FAF1: variants seen among roughly 807,000 people sequenced by gnomAD.
FAF1 encodes the protein FAS-associated factor 1.
Under a neutral mutation model 92.5 loss-of-function variants are expected in FAF1, and 25 were observed. The ratio of observed to expected loss-of-function variants is 0.27; its 90% CI spans 0.20 to 0.38. The LOEUF (loss-of-function observed/expected upper bound fraction) is 0.38, where lower values mean the gene tolerates loss of function less well. Ranked by LOEUF, FAF1 falls within the 10% of genes least tolerant of loss-of-function variation. The probability of loss-of-function intolerance (pLI) is 1.00; values close to 1 mark genes in which losing one functional copy is unlikely to be tolerated. For synonymous variants in FAF1, 234 were observed against 273.2 expected, an observed-to-expected ratio of 0.86 and a Z score of 1.42; for missense variants, 636 against 793.3, an observed-to-expected ratio of 0.80 and a Z score of 2.38.
intron 6 of FAF1, among the ~76,000 whole-genome samples, chr1:50,721,451 GAT>G (rs1415986876): frequency 1.3e-5 from 2 of 152,002 alleles, no homozygotes; most frequent in Non-Finnish European, 2.9e-5. Flanking sequence ...ACGACCTCAG[GAT>G]CCGCCTGCGT....
chr1:50,658,907 C>G (rs72900940), intron 7 of FAF1, among the ~76,000 whole-genome samples: 1 of 152,068 alleles, frequency 6.6e-6, no homozygotes, highest in South Asian at 2.1e-4. Context: ...TGTTACCATA[C>G]GTAGATGTTA....
intron 5 of FAF1, among the ~76,000 whole-genome samples, chr1:50,739,370 A>G (rs570373320): frequency 6.6e-6 from 1 of 151,360 alleles, no homozygotes; most frequent in East Asian, 1.9e-4. Flanking sequence ...GTGTACACGT[A>G]CATACATATA....
intron 4 of FAF1, among the ~76,000 whole-genome samples, chr1:50,775,018 T>G (rs910135226): frequency 6.6e-6 from 1 of 152,118 alleles, no homozygotes; most frequent in African/African-American, 2.4e-5. Flanking sequence ...CCTTGTTGCA[T>G]CTTCCTGGTA....
At chr1:50,478,267 G>A (rs765918656) in intron 17 of FAF1, among the ~76,000 whole-genome samples, 19 of 151,534 alleles carry the variant, frequency 1.3e-4, no homozygotes, top group Non-Finnish European at 2.2e-4. Flanking sequence ...AGGTTCAAGC[G>A]ATTCTCCCAC....
intron 4 of FAF1, among the ~76,000 whole-genome samples, chr1:50,766,147 C>T (rs1660563062): frequency 6.6e-6 from 1 of 151,908 alleles, no homozygotes; most frequent in African/African-American, 2.4e-5. Context: ...CAATAAAAAA[C>T]TCAGACCTGT....
At chr1:50,779,101 T>C (rs1055469420) in intron 4 of FAF1, among the ~76,000 whole-genome samples, 1 of 152,162 alleles carries the variant, frequency 6.6e-6, no homozygotes, top group Non-Finnish European at 1.5e-5. Flanking sequence ...CAAGAAACCA[T>C]TTTGTTTGCT....
intron 15 of FAF1, among the ~76,000 whole-genome samples, chr1:50,521,853 C>T (rs1024942896): frequency 1.3e-5 from 2 of 152,198 alleles, no homozygotes; most frequent in Admixed American, 1.3e-4. Context: ...AAGTCTTCAC[C>T]TCAGGCAAAA....
chr1:50,671,769 G>A (rs559014220), intron 7 of FAF1, among the ~76,000 whole-genome samples: 6 of 147,478 alleles, frequency 4.1e-5, no homozygotes, highest in Non-Finnish European at 6.0e-5. Flanking sequence ...TTACTCTGTC[G>A]CCCAGGCTGG....
rs1341216464 is a variant in FAF1 at position 50,885,324 on chromosome 1, A to ACT, written c.46-27329_46-27328dup. On this transcript the variant is annotated intron_variant, in intron 1 of 18. Coordinates refer to ENST00000396153, the MANE Select transcript of FAF1 (RefSeq NM_007051.3). Reference sequence around the variant, plus strand: ...CTCTCTCTCTCTCTCACACACACACACTCTCTCTCTCTCTCTCTCAATATT... The same window carrying ACT: ...CTCTCTCTCTCTCTCACACACACACACTCTCTCTCTCTCTCTCTCTCAATATT... 2.6e-3 allele frequency among the ~76,000 whole-genome samples: 266 copies of ACT among 102,096 alleles called. 3 individuals carry two copies. Among genetic ancestry groups the ACT allele is most frequent in the South Asian group, 0.013 (42 of 3,154 alleles). The allele number at this position is 102,096 out of a possible 152,430, so 67.0% of individuals were successfully genotyped here. A position where few individuals can be genotyped will look rare whatever the true frequency, so the allele number is the denominator to read the frequency against.
rs375674050 is a variant in FAF1 at position 50,520,721 on chromosome 1, G to A, written c.1494+14648C>T. Among the ~76,000 whole-genome samples the A allele has an allele frequency of 2.0e-4, 30 of 152,170 alleles. No homozygotes were observed. In the South Asian group the frequency reaches 4.6e-3, roughly 23 times the overall value. ...AAATTAGCTAGGTGTGGTGGTGCAC[G>A]CCTGTAGTCCCAGCAACTGGGAGGG... On this transcript the variant is annotated intron_variant, in intron 15 of 18. Coordinates refer to ENST00000396153, the MANE Select transcript of FAF1 (RefSeq NM_007051.3).
intron 6 of FAF1, among the ~76,000 whole-genome samples, chr1:50,726,608 T>C (rs1330752247): frequency 6.6e-6 from 1 of 152,076 alleles, no homozygotes; most frequent in Non-Finnish European, 1.5e-5. Context: ...GGTGGGCGGA[T>C]CACAAGGTCA....
chr1:50,512,167 A>G (rs1415608193), intron 15 of FAF1, among the ~76,000 whole-genome samples: 1 of 151,902 alleles, frequency 6.6e-6, no homozygotes, highest in Non-Finnish European at 1.5e-5. Flanking sequence ...GATTGCAAAA[A>G]TTTTCTCCCA....
intron 2 of FAF1, among the ~76,000 whole-genome samples, chr1:50,819,668 A>ACACACACT (rs1484881359): frequency 1.6e-4 from 19 of 118,884 alleles, no homozygotes; most frequent in Middle Eastern, 4.2e-3. Flanking sequence ...ACACACACAC[A>ACACACACT]CTCTCTCTCT....
At chr1:50,689,789 G>A (rs916275972) in intron 7 of FAF1, among the ~76,000 whole-genome samples, 3 of 152,124 alleles carry the variant, frequency 2.0e-5, no homozygotes, top group African/African-American at 7.2e-5. Flanking sequence ...TGGCAACACA[G>A]ATGAACCTTA....
At chr1:50,740,834 A>AACAC (rs147632431) in intron 5 of FAF1, among the ~76,000 whole-genome samples, 18 of 150,812 alleles carry the variant, frequency 1.2e-4, no homozygotes, top group Non-Finnish European at 2.1e-4. Flanking sequence ...ACATGCAAAC[A>AACAC]ACACACACAC....
At chr1:50,742,753 G>A (rs778803169) in intron 5 of FAF1, among the ~76,000 whole-genome samples, 2 of 152,100 alleles carry the variant, frequency 1.3e-5, no homozygotes, top group African/African-American at 4.8e-5. Context: ...ACTCATTTTG[G>A]TGTTTTCTTT....
intron 15 of FAF1, among the ~76,000 whole-genome samples, chr1:50,533,792 C>T (rs1027070387): frequency 6.6e-6 from 1 of 152,106 alleles, no homozygotes; most frequent in Non-Finnish European, 1.5e-5. Context: ...AACATAACAT[C>T]TCAAATTAAC....
intron 18 of FAF1, among the ~76,000 whole-genome samples, chr1:50,448,219 T>C (rs1646251870): frequency 6.6e-6 from 1 of 152,160 alleles, no homozygotes; most frequent in African/African-American, 2.4e-5. Flanking sequence ...TATGTGTAAG[T>C]AGATGGTGTC....
chr1:50,555,596 T>C (rs890012095), intron 13 of FAF1, among the ~76,000 whole-genome samples: 3 of 152,024 alleles, frequency 2.0e-5, no homozygotes, highest in African/African-American at 4.8e-5. Flanking sequence ...CAGCCATTAT[T>C]AAAAAGTCAA....
Sources: gnomAD v4.1 joint callset for allele counts (sites outside exome capture counted in the v4.1 genomes callset) on GRCh38, gnomAD v4.1.1 for gene constraint, MANE v1.5 for transcripts, NCBI Gene and HGNC (gene_info 2026-07-23, HGNC 2026-07-21) for gene names.